GCSAML: variants seen among roughly 807,000 people sequenced by gnomAD.
The protein encoded by GCSAML is germinal center associated signaling and motility like.
A neutral mutation model predicts 13.0 loss-of-function variants in GCSAML; 9 were observed. The ratio of observed to expected loss-of-function variants is 0.69; its 90% confidence interval spans 0.42 to 1.21. The LOEUF is 1.21. GCSAML is among the 50% of genes most tolerant of loss of function. The pLI, the probability that GCSAML is intolerant of heterozygous loss-of-function variation, is 0.00. For missense variants in GCSAML, 143 were observed against 153.4 expected (o/e 0.93, Z 0.36); for synonymous variants, 37 against 52.9 (o/e 0.70, Z 1.31).
chr1:247,531,987 G>A (rs757954346), intron 2 of GCSAML: 9 of 1,614,116 alleles, frequency 5.6e-6, no homozygotes, highest in South Asian at 1.1e-5. Flanking sequence ...AGAAGTGGTC[G>A]ATGCAATTGT....
At chr1:247,548,140 T>C (rs1258788446), upstream of GCSAML, among the ~76,000 whole-genome samples, 1 of 152,200 alleles carries the variant, frequency 6.6e-6, no homozygotes, top group Non-Finnish European at 1.5e-5. This position sits in a 1 kb window ranked among gnomAD's most constrained non-coding sequence, Gnocchi z 5.3. Flanking sequence ...TTTCAGCAAA[T>C]AGATTTTGTG....
At chr1:247,565,867 T>C (rs1668330309) in intron 3 of GCSAML, 64 bp from the exon 4 acceptor site, 1 of 1,323,738 alleles carries the variant, frequency 7.6e-7, no homozygotes, top group Admixed American at 2.5e-5. Context: ...CTTCAATCTG[T>C]GATGGGGCAA....
chr1:247,549,258 A>C (rs1375027832), intron 1 of GCSAML, 38 bp downstream of exon 1: 10 of 1,567,184 alleles, frequency 6.4e-6, no homozygotes, highest in African/African-American at 1.4e-5. Context: ...TCTTGGGAGA[A>C]AGAGAACAGA....
At chr1:247,509,480 A>G (rs1347088578) in intron 1 of GCSAML, among the ~76,000 whole-genome samples, 3 of 152,088 alleles carry the variant, frequency 2.0e-5, no homozygotes, top group Non-Finnish European at 2.9e-5. Flanking sequence ...CTCTCTTCCT[A>G]TATGAATAGG....
Position 247,575,505 on chromosome 1 carries a change from T to C in GCSAML, c.*1123T>C, listed in dbSNP as rs1327983030. On this transcript the variant is annotated 3_prime_UTR_variant, in exon 5 of 5. Coordinates refer to ENST00000366488, the MANE Select transcript of GCSAML (RefSeq NM_145278.5). ...GACCCTTTGCTAACCTGACATTTAC[T>C]TCAATTTTTCTTTTTCTATGTACTG... 6.6e-6 allele frequency: 1 copy of C among 152,202 alleles called. No homozygotes were observed. The highest frequency in any genetic ancestry group is 1.5e-5 in the Non-Finnish European group (1 of 68,028). The allele number at this position is 152,202 out of a possible 1,614,324, so 9.4% of individuals were successfully genotyped here.
chr1:247,544,286 C>T (rs143739026), upstream of GCSAML, among the ~76,000 whole-genome samples: 1,471 of 152,246 alleles, frequency 9.7e-3, 15 homozygotes, highest in Middle Eastern at 0.027. Flanking sequence ...TTAGTTAGGT[C>T]CTGATTCTAA....
intron 1 of GCSAML, chr1:247,519,548 A>G (rs1666342711): frequency 6.6e-6 from 1 of 152,226 alleles, no homozygotes; most frequent in African/African-American, 2.4e-5. Context: ...TATCTGCCTA[A>G]GAGCAGTGTT....
At chr1:247,508,864 T>C (rs1229724051) in intron 1 of GCSAML, among the ~76,000 whole-genome samples, 1 of 152,204 alleles carries the variant, frequency 6.6e-6, no homozygotes, top group Non-Finnish European at 1.5e-5. Context: ...GGTCTATGTG[T>C]CTGTTTTGGT....
chr1:247,551,231 G>A (rs939450277), intron 1 of GCSAML, among the ~76,000 whole-genome samples: 3 of 152,174 alleles, frequency 2.0e-5, no homozygotes, highest in African/African-American at 7.2e-5. Context: ...ACATGCTTGA[G>A]GAATTGCCAT....
chr1:247,557,145 T>A (rs1449208884), intron 2 of GCSAML, among the ~76,000 whole-genome samples: 1 of 152,214 alleles, frequency 6.6e-6, no homozygotes, highest in Non-Finnish European at 1.5e-5. Flanking sequence ...TCTGAAAGAT[T>A]ATGGAGGAAC....
intron 2 of GCSAML, chr1:247,528,865 G>A (rs541999207): frequency 2.6e-5 from 4 of 152,264 alleles, no homozygotes; most frequent in African/African-American, 9.6e-5. Context: ...GAAGATATCT[G>A]TCTGACATAA....
intron 4 of GCSAML, among the ~76,000 whole-genome samples, chr1:247,569,188 AC>A (rs1462315205): frequency 1.3e-5 from 2 of 152,080 alleles, no homozygotes; most frequent in African/African-American, 2.4e-5. Context: ...CTATTTGAAT[AC>A]CCTTTATTTC....
rs1339209570 is a variant in GCSAML at position 247,527,975 on chromosome 1, G to GA, written c.-148+923dup. 9.2e-5 allele frequency: 14 copies of GA among 151,998 alleles called. No homozygotes were observed. Among genetic ancestry groups the GA allele is most frequent in the African/African-American group, 3.4e-4 (14 of 41,338 alleles). 9.4% of individuals were successfully genotyped at this position (151,998 alleles called of 1,614,324 possible). A position where few individuals can be genotyped will look rare whatever the true frequency, so the allele number is the denominator to read the frequency against. On this transcript the variant is annotated intron_variant, in intron 2 of 5. Transcript: ENST00000366489. This position sits in a 1 kb window ranked among gnomAD's most constrained non-coding sequence, Gnocchi z 4.6. ...CAACCCTTTTTTAGCTTTCACAGAT[G>GA]AATGAGAACATGCAGTATTTAACTT...
At chr1:247,567,692 C>T (rs187884483) in intron 4 of GCSAML, among the ~76,000 whole-genome samples, 1 of 152,256 alleles carries the variant, frequency 6.6e-6, no homozygotes. Context: ...GGTATATACC[C>T]AGTAATGGGA....
intron 1 of GCSAML, among the ~76,000 whole-genome samples, chr1:247,556,075 T>C (rs3862182): frequency 0.24 from 36,183 of 152,034 alleles, 7,559 homozygotes; most frequent in African/African-American, 0.56. Context: ...GCAAAAGTGA[T>C]GCTTCCCTGT....
chr1:247,511,912 C>T (rs997276449), intron 1 of GCSAML, among the ~76,000 whole-genome samples: 5 of 152,088 alleles, frequency 3.3e-5, no homozygotes, highest in Non-Finnish European at 7.4e-5. Flanking sequence ...GTTGGTAACC[C>T]GACCTTTCTC....
At position 247,525,731 on chromosome 1, in the gene GCSAML, T is replaced by C. The variant is rs1412140779; in HGVS notation, c.-262-1209T>C. ...ATTAAATCACTGGCCATTGGTGTTCTGCTTAACATTCATCCCTTCTTCCCT... is the reference window on the plus strand; with the variant it reads ...ATTAAATCACTGGCCATTGGTGTTCCGCTTAACATTCATCCCTTCTTCCCT... On this transcript the variant is annotated intron_variant, in intron 1 of 5. Coordinates refer to the GCSAML transcript ENST00000366489. 8 of 152,236 alleles carry C rather than the reference T, an allele frequency of 5.3e-5. No individual in the cohort carries two copies. The East Asian group carries it at 1.3e-3, about 26-fold the overall frequency. The allele number at this position is 152,236 out of a possible 1,614,324, so 9.4% of individuals were successfully genotyped here.
At chr1:247,563,140 A>G (rs550977265) in intron 2 of GCSAML, among the ~76,000 whole-genome samples, 5 of 151,628 alleles carry the variant, frequency 3.3e-5, no homozygotes, top group South Asian at 2.1e-4. Flanking sequence ...AAGCCATCCC[A>G]CCCGGCCACC....
At chr1:247,543,867 G>A (rs1028263930) in intron 2 of GCSAML, among the ~76,000 whole-genome samples, 6 of 152,062 alleles carry the variant, frequency 3.9e-5, no homozygotes, top group African/African-American at 1.4e-4. Flanking sequence ...ATAGCTCACT[G>A]CAGCTTCAAA....
Sources: gnomAD v4.1 joint callset for allele counts (sites outside exome capture counted in the v4.1 genomes callset) on GRCh38, gnomAD v4.1.1 for gene constraint, Gnocchi (gnomAD v3.1) non-coding constraint, MANE v1.5 for transcripts, NCBI Gene and HGNC (gene_info 2026-07-23, HGNC 2026-07-21) for gene names.